Variants in ANTXR2 observed in about 807,000 individuals in gnomAD.
ANTXR2 encodes ANTXR cell adhesion molecule 2, also known as anthrax toxin receptor 2.
In ANTXR2, 44 loss-of-function variants were observed where a neutral mutation model predicts 73.7. That is an observed-to-expected ratio of 0.60 (90% CI 0.47 to 0.77). ANTXR2 has a LOEUF of 0.77. ANTXR2 is among the 30% of genes least tolerant of loss of function. ANTXR2 has a pLI of 0.00. For synonymous variants in ANTXR2, 217 were observed against 205.9 expected, an observed-to-expected ratio of 1.05 and a Z score of -0.46; for missense variants, 604 against 592.5, an observed-to-expected ratio of 1.02 and a Z score of -0.20.
At chr4:80,047,283 A>T (rs1452590902) in intron 7 of ANTXR2, among the ~76,000 whole-genome samples, 6 of 151,702 alleles carry the variant, frequency 4.0e-5, no homozygotes, top group African/African-American at 1.5e-4. Flanking sequence ...GTAGAGGCCA[A>T]AATAAGATCA....
intron 16 of ANTXR2, among the ~76,000 whole-genome samples, chr4:79,937,665 G>T (rs1309846742): frequency 6.6e-6 from 1 of 152,178 alleles, no homozygotes; most frequent in Admixed American, 6.5e-5. Flanking sequence ...TGTATATATT[G>T]AGCATCAATT....
chr4:80,015,791 G>C (rs1036766108), intron 11 of ANTXR2, among the ~76,000 whole-genome samples: 39 of 140,734 alleles, frequency 2.8e-4, no homozygotes, highest in African/African-American at 9.7e-4. Flanking sequence ...AGGAAGGTGG[G>C]AGAGAAGAAA....
At chr4:80,002,867 T>C (rs974908420) in intron 12 of ANTXR2, among the ~76,000 whole-genome samples, 1 of 149,380 alleles carries the variant, frequency 6.7e-6, no homozygotes, top group Non-Finnish European at 1.5e-5. Flanking sequence ...TGAGATACCA[T>C]CTCACACCAG....
At chr4:79,948,220 AC>A (rs1325977950) in intron 16 of ANTXR2, among the ~76,000 whole-genome samples, 1 of 152,122 alleles carries the variant, frequency 6.6e-6, no homozygotes, top group Admixed American at 6.6e-5. Flanking sequence ...TTGGGAAAAT[AC>A]CCCCTCAAAT....
At position 79,901,905 on chromosome 4, in the gene ANTXR2, G is replaced by A. The variant is rs927201999; in HGVS notation, c.*5524C>T. 7.2e-5 allele frequency: 11 copies of A among 152,208 alleles called. No individual in the cohort carries two copies. Among genetic ancestry groups the A allele is most frequent in the Non-Finnish European group, 1.6e-4 (11 of 68,036 alleles). 9.4% of individuals were successfully genotyped at this position (152,208 alleles called of 1,614,324 possible). On this transcript the variant is annotated 3_prime_UTR_variant, in exon 17 of 17. Coordinates refer to ENST00000403729, the MANE Select transcript of ANTXR2 (RefSeq NM_058172.6). The stretch of plus-strand genomic sequence containing the variant: ...GGAGACACAGCTCAGGTGGTAATGC[G>A]AGCGACGGGGAATTGCTGTAAATAC...
intron 8 of ANTXR2, among the ~76,000 whole-genome samples, chr4:80,035,326 A>G (rs1732902855): frequency 6.6e-6 from 1 of 152,088 alleles, no homozygotes; most frequent in African/African-American, 2.4e-5. Context: ...ACTGGCTGAG[A>G]GGCTCTATGG....
intron 7 of ANTXR2, among the ~76,000 whole-genome samples, chr4:80,039,731 A>G (rs951520532): frequency 2.0e-5 from 3 of 152,126 alleles, no homozygotes. Flanking sequence ...GAGATTTCTC[A>G]AAGAACTTAA....
chr4:80,050,915 AT>A (rs1410191406), intron 7 of ANTXR2, among the ~76,000 whole-genome samples: 1 of 151,676 alleles, frequency 6.6e-6, no homozygotes, highest in Non-Finnish European at 1.5e-5. Flanking sequence ...ATATGAGCGC[AT>A]TCTCAAAACA....
In ANTXR2 at chr4:79,902,822, A is replaced by G. The variant is rs1726759771; in HGVS notation, c.*4607T>C. ...TATTGATACAAATATGAGATACAAAAATACTAAAACCTCCAACCTAACCAT... is the reference window on the plus strand; with the variant it reads ...TATTGATACAAATATGAGATACAAAGATACTAAAACCTCCAACCTAACCAT... On this transcript the variant is annotated 3_prime_UTR_variant, in exon 17 of 17. Coordinates refer to ENST00000403729, the MANE Select transcript of ANTXR2 (RefSeq NM_058172.6). 1 of 152,074 alleles carries G rather than the reference A, an allele frequency of 6.6e-6. No homozygotes were observed. Among genetic ancestry groups the G allele is most frequent in the South Asian group, 2.1e-4 (1 of 4,826 alleles). 9.4% of individuals were successfully genotyped at this position (152,074 alleles called of 1,614,324 possible).
intron 3 of ANTXR2, among the ~76,000 whole-genome samples, chr4:80,058,406 T>C (rs1177195386): frequency 2.0e-5 from 3 of 152,044 alleles, no homozygotes; most frequent in African/African-American, 7.2e-5. Context: ...AGTGCTCCTT[T>C]TCCATAGCCA....
chr4:80,045,579 G>T (rs1578182222), intron 7 of ANTXR2, among the ~76,000 whole-genome samples: 2 of 142,416 alleles, frequency 1.4e-5, no homozygotes, highest in Admixed American at 7.0e-5. Flanking sequence ...AAAAAGCAAG[G>T]TTTTTTTTTT....
chr4:79,977,455 A>C (rs755556580), intron 16 of ANTXR2, 166 bp downstream of exon 16: 2 of 1,353,538 alleles, frequency 1.5e-6, no homozygotes, highest in Non-Finnish European at 1.9e-6. Context: ...GCATTCTAAC[A>C]ATAGGTAATT....
rs530888685 is a variant in ANTXR2, at chr4:80,055,466, G to A, written c.380C>T (p.Ala127Val). 40 of 1,604,054 alleles carry A rather than the reference G, an allele frequency of 2.5e-5. No homozygotes were observed. The highest frequency in any genetic ancestry group is 1.7e-4 in the Middle Eastern group (1 of 5,990). ...ETYIHEGLKLANEQIQKAGGL... is the reference protein window; with the variant it reads ...ETYIHEGLKLVNEQIQKAGGL... ...TCCTGCTTTCTGAATTTGTTCATTC[G>A]CCTGAAAATGAAGAATAATTATCCA... is the stretch of plus-strand genomic sequence containing the variant. Residue 127 changes from alanine (A) to valine (V), a missense_variant and splice_region_variant, in exon 5 of 17, where the codon GCG becomes GTG. Coordinates refer to ENST00000403729, the MANE Select transcript of ANTXR2 (RefSeq NM_058172.6).
intron 16 of ANTXR2, among the ~76,000 whole-genome samples, chr4:79,951,547 G>T (rs1244949387): frequency 6.6e-6 from 1 of 151,818 alleles, no homozygotes; most frequent in African/African-American, 2.4e-5. Flanking sequence ...CTGCATTCCA[G>T]CCTGGGGGAC....
intron 6 of ANTXR2, 103 bp from the exon 7 acceptor site, chr4:80,054,455 C>G: frequency 1.2e-6 from 1 of 809,588 alleles, no homozygotes; most frequent in Non-Finnish European, 2.0e-6. Flanking sequence ...AATTACCCCA[C>G]AGGATTAATT....
intron 7 of ANTXR2, among the ~76,000 whole-genome samples, chr4:80,042,816 T>C (rs1733333806): frequency 6.6e-6 from 1 of 152,054 alleles, no homozygotes; most frequent in Non-Finnish European, 1.5e-5. Context: ...CAGGTCTACC[T>C]ATAAGGCCAA....
chr4:80,026,352 A>G (rs533458567), intron 10 of ANTXR2, among the ~76,000 whole-genome samples: 1 of 152,218 alleles, frequency 6.6e-6, no homozygotes, highest in Admixed American at 6.5e-5. Context: ...AAGTTTCCTG[A>G]GGCTTCCCCA....
intron 14 of ANTXR2, among the ~76,000 whole-genome samples, chr4:79,982,919 A>G (rs893908187): frequency 1.3e-5 from 2 of 152,126 alleles, no homozygotes; most frequent in African/African-American, 4.8e-5. Context: ...AGTAAAATTT[A>G]TTCTGAAAAG....
intron 2 of ANTXR2, among the ~76,000 whole-genome samples, chr4:80,070,859 A>T (rs1734754185): frequency 6.6e-6 from 1 of 151,432 alleles, no homozygotes; most frequent in Non-Finnish European, 1.5e-5. Flanking sequence ...TGCTCATTGC[A>T]TTTTTTCTTT....
Sources: allele counts gnomAD v4.1 joint callset (sites outside exome capture counted in the v4.1 genomes callset), GRCh38; gene constraint gnomAD v4.1.1; transcripts MANE v1.5; gene names NCBI Gene and HGNC (gene_info 2026-07-23, HGNC 2026-07-21).